The following TMEM131L variants were observed in gnomAD, a reference collection of about 807,000 sequenced individuals.
TMEM131L encodes transmembrane 131 like.
Under a neutral mutation model 192.2 loss-of-function variants are expected in TMEM131L, and 54 were observed. The observed-to-expected ratio is 0.28, with a 90% CI of 0.23 to 0.35. The LOEUF (loss-of-function observed/expected upper bound fraction) is 0.35, where lower values mean the gene tolerates loss of function less well. Ranked by LOEUF, TMEM131L falls within the 10% of genes least tolerant of loss-of-function variation. TMEM131L has a pLI of 1.00. For missense variants in TMEM131L, 1,888 were observed against 1,972.9 expected (o/e 0.96, Z 0.82); for synonymous variants, 701 against 704.9 (o/e 0.99, Z 0.09).
chr4:153,568,510 T>C (rs567499567), intron 7 of TMEM131L, among the ~76,000 whole-genome samples: 1 of 152,336 alleles, frequency 6.6e-6, no homozygotes, highest in East Asian at 1.9e-4. Context: ...GCAGCTATAA[T>C]ACTCAAAAGC....
chr4:153,527,337 A>G, intron 3 of TMEM131L, among the ~76,000 whole-genome samples: 1 of 151,946 alleles, frequency 6.6e-6, no homozygotes, highest in South Asian at 2.1e-4. Flanking sequence ...CAGTGGTACG[A>G]TCTCAGCTCA....
chr4:153,633,163 G>C (rs1734334266), intron 32 of TMEM131L: 1 of 214,130 alleles, frequency 4.7e-6, no homozygotes, highest in African/African-American at 2.3e-5. Context: ...GAGCAAAGCT[G>C]TTCATTTTTC....
rs558260631 is a variant in TMEM131L at position 153,552,624 on chromosome 4, A to G, written c.308+2483A>G. Among the ~76,000 whole-genome samples, 164 of 152,340 alleles carry G rather than the reference A, an allele frequency of 1.1e-3. 1 individual carries two copies. Among genetic ancestry groups the G allele is most frequent in the African/African-American group, 3.5e-3 (147 of 41,574 alleles). ...GGCAGGAGGATCACTTGAGGCCAAG[A>G]GTTCAAGACCAGCCTGCGCAACACT... On this transcript the variant is annotated intron_variant, in intron 4 of 34. Transcript: ENST00000409959.
In TMEM131L at chr4:153,486,159, A is replaced by T. The variant is rs1268650746; in HGVS notation, c.239+12271A>T. 2.6e-5 allele frequency among the ~76,000 whole-genome samples: 4 copies of T among 152,374 alleles called. No individual in the cohort carries two copies. In the East Asian group the frequency reaches 7.7e-4, roughly 29 times the overall value. ...TGGTTCCTAGCAAATCCCTGAAAAAAAAAGAGCATGACTCGTGTAAGATAG... is the reference window on the plus strand; with the variant it reads ...TGGTTCCTAGCAAATCCCTGAAAAATAAAGAGCATGACTCGTGTAAGATAG... On this transcript the variant is annotated intron_variant, in intron 3 of 34. Transcript: ENST00000409959.
chr4:153,470,100 A>C (rs1182030162), intron 2 of TMEM131L, among the ~76,000 whole-genome samples: 1 of 151,922 alleles, frequency 6.6e-6, no homozygotes, highest in Admixed American at 6.6e-5. Context: ...CATATATGAC[A>C]ACTAAATTGT....
At chr4:153,539,777 C>T (rs182690808) in intron 3 of TMEM131L, among the ~76,000 whole-genome samples, 7 of 150,690 alleles carry the variant, frequency 4.6e-5, no homozygotes, top group Admixed American at 1.3e-4. Context: ...GTCTGAAGAT[C>T]ATTTTGAGAT....
At chr4:153,511,589 A>G (rs1365728996) in intron 3 of TMEM131L, among the ~76,000 whole-genome samples, 4 of 152,172 alleles carry the variant, frequency 2.6e-5, no homozygotes, top group East Asian at 3.9e-4. Context: ...GTCTCCCTAT[A>G]TAACAAACCT....
intron 21 of TMEM131L, chr4:153,601,875 C>T (rs1731861526): frequency 4.7e-6 from 1 of 212,040 alleles, no homozygotes; most frequent in Admixed American, 5.8e-5. Flanking sequence ...GTAAAGGGAC[C>T]AAAGAAGAGA....
At chr4:153,604,502 C>A in intron 25 of TMEM131L, 72 bp downstream of exon 25, 1 of 1,394,134 alleles carries the variant, frequency 7.2e-7, no homozygotes, top group Non-Finnish European at 9.8e-7. Flanking sequence ...ATTGTTCTCA[C>A]CTGTGACCGT....
chr4:153,622,172 T>G (rs1733471511), intron 28 of TMEM131L, among the ~76,000 whole-genome samples: 1 of 152,146 alleles, frequency 6.6e-6, no homozygotes, highest in Non-Finnish European at 1.5e-5. Context: ...AGTGAGATAG[T>G]GCTACCCCCG....
intron 3 of TMEM131L, among the ~76,000 whole-genome samples, chr4:153,489,005 C>T (rs1403976912): frequency 1.3e-5 from 2 of 152,204 alleles, no homozygotes; most frequent in Non-Finnish European, 2.9e-5. Flanking sequence ...CCAGTCCAGC[C>T]TCATCTGGAC....
intron 21 of TMEM131L, among the ~76,000 whole-genome samples, chr4:153,601,549 A>C (rs1731839797): frequency 6.6e-6 from 1 of 152,252 alleles, no homozygotes; most frequent in East Asian, 1.9e-4. Context: ...ACACCTGTAG[A>C]ACCAGATAAA....
intron 7 of TMEM131L, among the ~76,000 whole-genome samples, chr4:153,567,784 C>T (rs1284639155): frequency 6.6e-6 from 1 of 152,070 alleles, no homozygotes; most frequent in African/African-American, 2.4e-5. Context: ...CTCAGGTGAT[C>T]CTACTGCCTG....
At position 153,632,820 on chromosome 4, in the gene TMEM131L, C is replaced by T. The variant is rs200136928; in HGVS notation, c.4310C>T (p.Ser1437Leu). 2.0e-5 allele frequency: 33 copies of T among 1,613,960 alleles called. No homozygotes were observed. The highest frequency in any genetic ancestry group is 3.3e-4 in the Middle Eastern group (2 of 6,084). ...GGCGTGCCTTGTGTGATTCAGGAGT[C>T]GGCCCCGGTTCATAATAGGTACAGC... Reference protein sequence around the residue: ...ENGVPCVIQESAPVHNSFIDW... With the variant: ...ENGVPCVIQELAPVHNSFIDW... The change falls in exon 32 of 35, where the codon TCG (serine) becomes TTG (leucine). Residue 1437 changes from serine (S) to leucine (L), a missense_variant. Physicochemically the swap from Ser to Leu is moderately radical, Grantham distance 145. Coordinates refer to ENST00000409959, the MANE Select transcript of TMEM131L (RefSeq NM_001131007.2).
At chr4:153,499,343 A>G (rs970237201) in intron 3 of TMEM131L, among the ~76,000 whole-genome samples, 2 of 151,824 alleles carry the variant, frequency 1.3e-5, no homozygotes, top group Non-Finnish European at 2.9e-5. Context: ...ATTGTGTGAT[A>G]TGGCTCCATG....
At chr4:153,550,048 A>G (rs1344388143) in intron 3 of TMEM131L, 25 bp from the exon 4 acceptor site, 1 of 1,286,810 alleles carries the variant, frequency 7.8e-7, no homozygotes, top group South Asian at 1.5e-5. Context: ...CTACAACAAA[A>G]TCAACCTCTC....
chr4:153,477,537 A>AT (rs1731630959), intron 3 of TMEM131L, among the ~76,000 whole-genome samples: 1 of 152,192 alleles, frequency 6.6e-6, no homozygotes, highest in South Asian at 2.1e-4. Context: ...ATAGCATCAG[A>AT]TTATCAGAAT....
Position 153,604,128 on chromosome 4 carries a change from T to A in TMEM131L, c.3116T>A (p.Ile1039Lys). 1 of 1,614,184 alleles carries A rather than the reference T, an allele frequency of 6.2e-7. No individual in the cohort carries two copies. Among genetic ancestry groups the A allele is most frequent in the Non-Finnish European group, 8.5e-7 (1 of 1,180,028 alleles). The change falls in exon 25 of 35, where the codon ATA (isoleucine) becomes AAA (lysine). Residue 1039 changes from isoleucine to lysine, a missense_variant. Coordinates refer to ENST00000409959, the MANE Select transcript of TMEM131L (RefSeq NM_001131007.2). ...NWISLRYASG[I>K]NVNLQKNLTL... ...ATCAGCCTCAGATATGCAAGTGGCA[T>A]AAATGTCAACCTGCAGAAGAATTTA...
Position 153,621,788 on chromosome 4 carries a change from G to T in TMEM131L, c.3798G>T (p.Arg1266Ser). 2.5e-6 allele frequency: 4 copies of T among 1,614,172 alleles called. No homozygotes were observed. The highest frequency in any genetic ancestry group is 3.4e-6 in the Non-Finnish European group (4 of 1,180,028). Reference sequence around the variant, plus strand: ...GCTGGTGTATACAGGAAAGCACTAGGGAGGTTTGTAAAGCAGATGCCGAAA... The same window carrying T: ...GCTGGTGTATACAGGAAAGCACTAGTGAGGTTTGTAAAGCAGATGCCGAAA... ...VRSWCIQEST[R>S]EVCKADAEIA... Residue 1266 changes from arginine to serine, a missense_variant, in exon 28 of 35, where the codon AGG becomes AGT. Arg to Ser is a moderately radical substitution (Grantham distance 110). Coordinates refer to ENST00000409959, the MANE Select transcript of TMEM131L (RefSeq NM_001131007.2).
Sources: gnomAD v4.1 joint callset for allele counts (sites outside exome capture counted in the v4.1 genomes callset) on GRCh38, gnomAD v4.1.1 for gene constraint, MANE v1.5 for transcripts, NCBI Gene and HGNC (gene_info 2026-07-23, HGNC 2026-07-21) for gene names.